ARID1B: variants seen among roughly 807,000 people sequenced by gnomAD.
The protein encoded by ARID1B is AT-rich interaction domain 1B, also known as AT-rich interactive domain-containing protein 1B.
In ARID1B, 30 loss-of-function variants were observed where a neutral mutation model predicts 212.3. The observed-to-expected ratio is 0.14, with a 90% CI of 0.11 to 0.19. ARID1B has a LOEUF of 0.19. ARID1B is among the 10% of genes least tolerant of loss of function. The pLI, the probability that ARID1B is intolerant of heterozygous loss-of-function variation, is 1.00. For synonymous variants in ARID1B, 1,402 were observed against 1,301.7 expected (o/e 1.08, Z -1.66); for missense variants, 2,891 against 3,204.0 (o/e 0.90, Z 2.36).
At chr6:157,143,349 TC>T (rs1304112236) in intron 7 of ARID1B, among the ~76,000 whole-genome samples, 1 of 152,222 alleles carries the variant, frequency 6.6e-6, no homozygotes, top group Non-Finnish European at 1.5e-5. Flanking sequence ...ATTGCACTTC[TC>T]ATTCCTGGCT....
rs1371755731 is a variant in ARID1B, at chr6:156,779,235, A to G, written c.1555A>G (p.Ser519Gly). The G allele has an allele frequency of 8.1e-7, 1 of 1,228,900 alleles. No homozygotes were observed. The highest frequency in any genetic ancestry group is 2.7e-5 in the South Asian group (1 of 37,068). 76.1% of individuals were successfully genotyped at this position (1,228,900 alleles called of 1,614,324 possible). ...PSPMMRSYGG[S>G]YPEYSSPSAP... Reference sequence around the variant, plus strand: ...CCCCATGATGCGGAGCTACGGCGGCAGCTACCCCGAGTACAGCAGCCCCAG... The same window carrying G: ...CCCCATGATGCGGAGCTACGGCGGCGGCTACCCCGAGTACAGCAGCCCCAG... The change falls in exon 1 of 20, where the codon AGC becomes GGC. Residue 519 changes from serine (S) to glycine (G), a missense_variant. Physicochemically the swap from Ser to Gly is moderately conservative, Grantham distance 56. Transcript: ENST00000636930.
chr6:156,778,978 C>CAGG lies in ARID1B; in HGVS notation c.1302_1304dup (p.Gly440dup). ...GCGGCCGCGGCGGCGGCGGCAGCAG[C>CAGG]AGGAGGCGGCGGCGGCGGCGGCTAT... On this transcript the variant is annotated inframe_insertion, in exon 1 of 20. Transcript: ENST00000636930. 1 of 1,273,602 alleles carries CAGG rather than the reference C, an allele frequency of 7.9e-7. No individual in the cohort carries two copies. The highest frequency in any genetic ancestry group is 9.8e-7 in the Non-Finnish European group (1 of 1,020,848). 78.9% of individuals were successfully genotyped at this position (1,273,602 alleles called of 1,614,324 possible). A position where few individuals can be genotyped will look rare whatever the true frequency, so the allele number is the denominator to read the frequency against.
At chr6:157,187,354 A>G (rs1793044123) in intron 13 of ARID1B, among the ~76,000 whole-genome samples, 1 of 152,188 alleles carries the variant, frequency 6.6e-6, no homozygotes, top group South Asian at 2.1e-4. Context: ...ATTAGCTGAC[A>G]GGTGATGTCA....
chr6:156,901,036 G>T (rs1562471433), intron 2 of ARID1B, among the ~76,000 whole-genome samples: 1 of 152,064 alleles, frequency 6.6e-6, no homozygotes, highest in Non-Finnish European at 1.5e-5. Context: ...CTGTTGTGTG[G>T]GAATGGATTT....
chr6:156,857,456 T>C (rs1785029457), intron 2 of ARID1B, among the ~76,000 whole-genome samples: 1 of 152,118 alleles, frequency 6.6e-6, no homozygotes, highest in Non-Finnish European at 1.5e-5. Flanking sequence ...GGCTAACTTC[T>C]AGTATGGGGT....
At chr6:157,145,015 A>G (rs1789624128) in intron 7 of ARID1B, among the ~76,000 whole-genome samples, 1 of 152,152 alleles carries the variant, frequency 6.6e-6, no homozygotes, top group African/African-American at 2.4e-5. Flanking sequence ...GGCCCAGCGC[A>G]CCCGAGGTGT....
chr6:157,196,187 T>C lies in ARID1B; in HGVS notation c.4254T>C (p.Phe1418=), dbSNP rs368341224. The change falls in exon 16 of 20, where the codon TTT becomes TTC. Residue 1418 remains phenylalanine (F), a synonymous_variant. Transcript: ENST00000636930. ...CAGTGCCTGGAAGCAGCGAGCCCTT[T>C]ATGACGCAAGGACAGATGCCCAACA... ...MRKVPGSSEP[F]MTQGQMPNSS... is the part of the protein sequence containing the mutation. The C allele has an allele frequency of 1.9e-4, 309 of 1,612,686 alleles. No homozygotes were observed. Among genetic ancestry groups the C allele is most frequent in the Admixed American group, 8.7e-4 (52 of 59,498 alleles).
chr6:157,185,962 CACA>C (rs1223282151), intron 13 of ARID1B: 33 of 152,374 alleles, frequency 2.2e-4, no homozygotes, highest in Admixed American at 2.1e-3. Flanking sequence ...TTAAAAATCT[CACA>C]ACATTACATC....
intron 1 of ARID1B, among the ~76,000 whole-genome samples, chr6:156,780,152 C>A (rs865931291): frequency 5.3e-5 from 8 of 152,116 alleles, no homozygotes; most frequent in African/African-American, 1.4e-4. Context: ...TCGATTCGTT[C>A]CTTAGAATAG....
intron 8 of ARID1B, among the ~76,000 whole-genome samples, chr6:157,163,773 C>T (rs1022250646): frequency 6.6e-6 from 1 of 152,218 alleles, no homozygotes; most frequent in Non-Finnish European, 1.5e-5. Context: ...TTTGTACAAC[C>T]GCAGGGCCAT....
chr6:157,018,661 G>A (rs182622924), intron 4 of ARID1B, among the ~76,000 whole-genome samples: 2 of 152,242 alleles, frequency 1.3e-5, no homozygotes, highest in East Asian at 3.9e-4. Flanking sequence ...GAGAATTTCT[G>A]GTTTCCAGCA....
At chr6:156,777,114 G>GA (rs1367388952), upstream of ARID1B, 2 of 152,092 alleles carry the variant, frequency 1.3e-5, no homozygotes, top group African/African-American at 4.8e-5. Context: ...ACAAACATGC[G>GA]AACGCCCGGT....
chr6:157,206,284 G>C lies in ARID1B; in HGVS notation c.5512G>C (p.Ala1838Pro), dbSNP rs546855765. The C allele has an allele frequency of 6.2e-7, 1 of 1,614,162 alleles. No homozygotes were observed. The highest frequency in any genetic ancestry group is 8.5e-7 in the Non-Finnish European group (1 of 1,180,030). The change falls in exon 20 of 20, where the codon GCA (alanine) becomes CCA (proline). Residue 1838 changes from alanine to proline, a missense_variant. Physicochemically the swap from Ala to Pro is conservative, Grantham distance 27. Coordinates refer to ENST00000636930, the MANE Select transcript of ARID1B (RefSeq NM_001374828.1). The surrounding 1 kb of genome is among the most constrained non-coding windows in gnomAD (Gnocchi z 6.8). ...DPSQKALDHN[A>P]ARKDDSQSLA... Reference sequence around the variant, plus strand: ...CAGCCAAAAAGCACTTGATCACAACGCAGCAAGGAAGGATGACAGCCAGTC... The same window carrying C: ...CAGCCAAAAAGCACTTGATCACAACCCAGCAAGGAAGGATGACAGCCAGTC...
At chr6:156,975,534 T>C (rs926094299) in intron 4 of ARID1B, among the ~76,000 whole-genome samples, 1 of 152,088 alleles carries the variant, frequency 6.6e-6, no homozygotes, top group Non-Finnish European at 1.5e-5. Context: ...CTTGTGCTTT[T>C]GGTGCGAAAC....
chr6:157,075,170 TG>T (rs1405073198), intron 4 of ARID1B, among the ~76,000 whole-genome samples: 1 of 148,976 alleles, frequency 6.7e-6, no homozygotes, highest in East Asian at 2.0e-4. Flanking sequence ...AAACTCATTT[TG>T]GAAACCTCTT....
intron 5 of ARID1B, among the ~76,000 whole-genome samples, chr6:157,096,176 A>C (rs1785615742): frequency 1.3e-5 from 2 of 152,160 alleles, no homozygotes; most frequent in Admixed American, 1.3e-4. Context: ...GCAGCCCCGG[A>C]GTTCAGCTCT....
chr6:157,184,425 G>T lies in ARID1B; in HGVS notation c.3909G>T (p.Pro1303=). ...CCAAAAAGCAGCCCAAGCTCCAGCC[G>T]CCATCTCCTGGTAAGTGGCGGCGCT... ...GDTKKQPKLQ[P]PSPANSGSLQ... The change falls in exon 13 of 20, where the codon CCG becomes CCT. Residue 1303 remains proline, a synonymous_variant. Coordinates refer to ENST00000636930, the MANE Select transcript of ARID1B (RefSeq NM_001374828.1). 1 of 1,613,998 alleles carries T rather than the reference G, an allele frequency of 6.2e-7. No homozygotes were observed. Among genetic ancestry groups the T allele is most frequent in the Non-Finnish European group, 8.5e-7 (1 of 1,180,018 alleles).
chr6:156,933,585 C>T (rs1376477685), intron 3 of ARID1B, among the ~76,000 whole-genome samples: 5 of 152,210 alleles, frequency 3.3e-5, no homozygotes, highest in Admixed American at 2.6e-4. Flanking sequence ...TCACCCTCTG[C>T]TGGCAACCAG....
At chr6:157,048,200 G>A (rs1049407984) in intron 4 of ARID1B, among the ~76,000 whole-genome samples, 3 of 152,124 alleles carry the variant, frequency 2.0e-5, no homozygotes, top group African/African-American at 7.2e-5. Context: ...CCAATATGTT[G>A]GAATATGCTT....
Sources: gnomAD v4.1 joint callset for allele counts (sites outside exome capture counted in the v4.1 genomes callset) on GRCh38, gnomAD v4.1.1 for gene constraint, Gnocchi (gnomAD v3.1) non-coding constraint, MANE v1.5 for transcripts, NCBI Gene and HGNC (gene_info 2026-07-23, HGNC 2026-07-21) for gene names.